Variants in ATR observed in about 807,000 individuals in gnomAD.
ATR encodes the protein ATR checkpoint kinase, also known as serine/threonine-protein kinase ATR.
A neutral mutation model predicts 305.3 loss-of-function variants in ATR; 142 were observed. The observed-to-expected ratio is 0.47, with a 90% CI of 0.41 to 0.53. ATR has a LOEUF of 0.53. Among genes scored for constraint, ATR ranks in the 20% least tolerant of loss-of-function variants. ATR has a pLI of 0.00. For missense variants in ATR, 2,135 were observed against 3,133.1 expected, an observed-to-expected ratio of 0.68 and a Z score of 7.60; for synonymous variants, 1,050 against 1,068.1, an observed-to-expected ratio of 0.98 and a Z score of 0.33.
intron 46 of ATR, chr3:142,452,181 G>C (rs2070807095): frequency 9.9e-7 from 1 of 1,007,966 alleles, no homozygotes; most frequent in Non-Finnish European, 1.2e-6. Context: ...TACAGGTCTA[G>C]CCTTCCTCGA....
In ATR at chr3:142,503,464, A is replaced by T. The variant is rs1387121260; in HGVS notation, c.5197-11T>A. 7.2e-6 allele frequency: 11 copies of T among 1,526,610 alleles called. No homozygotes were observed. Among genetic ancestry groups the T allele is most frequent in the Non-Finnish European group, 9.9e-6 (11 of 1,105,708 alleles). 94.6% of individuals were successfully genotyped at this position (1,526,610 alleles called of 1,614,324 possible). ...ATGATAATGAATGATCTAGAAATTTAAAAATATTTAAAATAGCAATTATCA... is the reference window on the plus strand; with the variant it reads ...ATGATAATGAATGATCTAGAAATTTTAAAATATTTAAAATAGCAATTATCA... On this transcript the variant is annotated splice_polypyrimidine_tract_variant and intron_variant, in intron 29 of 46. Transcript: ENST00000350721.
At chr3:142,458,921 G>T in intron 44 of ATR, 37 bp downstream of exon 44, 1 of 1,604,874 alleles carries the variant, frequency 6.2e-7, no homozygotes, top group Admixed American at 1.7e-5. Context: ...GAAATTGAGA[G>T]AAAACACAAT....
At chr3:142,531,351 C>T (rs913752213) in intron 21 of ATR, among the ~76,000 whole-genome samples, 35 of 151,946 alleles carry the variant, frequency 2.3e-4, no homozygotes, top group African/African-American at 8.0e-4. Context: ...GTGTGCTGCA[C>T]CCATTAACTC....
intron 13 of ATR, among the ~76,000 whole-genome samples, chr3:142,551,871 A>C (rs1435712193): frequency 6.6e-6 from 1 of 152,216 alleles, no homozygotes; most frequent in African/African-American, 2.4e-5. Context: ...AACTATCATC[A>C]CAGTGGACAG....
chr3:142,464,206 G>C lies in ATR; in HGVS notation c.7041+891C>G, dbSNP rs1271970418. On this transcript the variant is annotated intron_variant, in intron 41 of 46. Transcript: ENST00000350721. ...AGTGGCATGATCATAGCTCACTGTA[G>C]CCTCAAACTCCTGGGCTCAAACAAT... Among the ~76,000 whole-genome samples the C allele has an allele frequency of 2.0e-5, 3 of 152,194 alleles. No individual in the cohort carries two copies. In the East Asian group the frequency reaches 5.8e-4, roughly 29 times the overall value.
intron 22 of ATR, 98 bp downstream of exon 22, chr3:142,523,895 T>C: frequency 7.8e-7 from 1 of 1,280,754 alleles, no homozygotes; most frequent in Non-Finnish European, 1.1e-6. Flanking sequence ...TAGGTGAAGC[T>C]TTTATTAAGG....
chr3:142,565,405 A>C (rs1217960163), intron 3 of ATR, among the ~76,000 whole-genome samples: 1 of 152,192 alleles, frequency 6.6e-6, no homozygotes, highest in African/African-American at 2.4e-5. Context: ...TGAAGACACC[A>C]ATGAAGGGAC....
rs1408800533 is a variant in ATR at position 142,555,966 on chromosome 3, T to C, written c.2252A>G (p.His751Arg). 6.2e-7 allele frequency: 1 copy of C among 1,613,964 alleles called. No individual in the cohort carries two copies. Among genetic ancestry groups the C allele is most frequent in the East Asian group, 2.2e-5 (1 of 44,858 alleles). The change falls in exon 10 of 47, where the codon CAT becomes CGT. Residue 751 changes from histidine (H) to arginine (R), a missense_variant. Physicochemically the swap from His to Arg is conservative, Grantham distance 29. Transcript: ENST00000350721. ...TTTTAGTTGAGAAGATGAACATTCA[T>C]GTTGAGAAGTGGCTTTCAAGTTCCT... ...FCRNLKATSQ[H>R]ECSSSQLKAS...
At chr3:142,532,656 T>C (rs984060985) in intron 21 of ATR, among the ~76,000 whole-genome samples, 1 of 152,222 alleles carries the variant, frequency 6.6e-6, no homozygotes, top group Admixed American at 6.5e-5. Flanking sequence ...GATCATCTTA[T>C]TAACTTTCCT....
At position 142,513,770 on chromosome 3, in the gene ATR, T is replaced by A. The variant is rs561381495; in HGVS notation, c.4504-132A>T. 61 of 1,026,320 alleles carry A rather than the reference T, an allele frequency of 5.9e-5. No individual in the cohort carries two copies. The East Asian group carries it at 7.6e-4, about 13-fold the overall frequency. The allele number at this position is 1,026,320 out of a possible 1,614,324, so 63.6% of individuals were successfully genotyped here. A position where few individuals can be genotyped will look rare whatever the true frequency, so the allele number is the denominator to read the frequency against. ...TTAAAAAGTTTTTTAATTAATTTTT[T>A]AATTAAATTATTTGGGGTTAAAGTC... On this transcript the variant is annotated intron_variant, in intron 25 of 46. Coordinates refer to ENST00000350721, the MANE Select transcript of ATR (RefSeq NM_001184.4).
Position 142,449,393 on chromosome 3 carries a change from T to A in ATR, c.*36A>T, listed in dbSNP as rs749606435. ...CAGATTCATACCAAATGCATTACTT[T>A]TAGATTATTAACATATTCTTTTACA... On this transcript the variant is annotated 3_prime_UTR_variant, in exon 47 of 47. Coordinates refer to ENST00000350721, the MANE Select transcript of ATR (RefSeq NM_001184.4). 39 of 1,557,584 alleles carry A rather than the reference T, an allele frequency of 2.5e-5. No homozygotes were observed. The highest frequency in any genetic ancestry group is 3.1e-5 in the Non-Finnish European group (35 of 1,129,160).
chr3:142,528,877 A>T (rs183139906), intron 21 of ATR, among the ~76,000 whole-genome samples: 2,253 of 47,450 alleles, frequency 0.047, 54 homozygotes, highest in African/African-American at 0.064. Flanking sequence ...ATATATATAT[A>T]TATTTTTTTT....
intron 16 of ATR, among the ~76,000 whole-genome samples, chr3:142,545,217 AAGT>A (rs138432686): frequency 0.018 from 2,725 of 152,350 alleles, 28 homozygotes; most frequent in South Asian, 0.041. Flanking sequence ...GACACTAAAT[AAGT>A]AGTAAGTATG....
chr3:142,508,770 A>C (rs2032387663), intron 27 of ATR, among the ~76,000 whole-genome samples: 1 of 151,976 alleles, frequency 6.6e-6, no homozygotes, highest in African/African-American at 2.4e-5. Flanking sequence ...AAAAATACAA[A>C]AAAATTAGCC....
At chr3:142,543,000 G>C (rs934532221) in intron 16 of ATR, among the ~76,000 whole-genome samples, 1 of 152,146 alleles carries the variant, frequency 6.6e-6, no homozygotes, top group African/African-American at 2.4e-5. Context: ...AAACAGTACA[G>C]TACAATGAGA....
chr3:142,508,879 A>G (rs905153822), intron 27 of ATR, among the ~76,000 whole-genome samples: 2 of 148,258 alleles, frequency 1.3e-5, no homozygotes, highest in Admixed American at 1.4e-4. Flanking sequence ...AGCTGAGATC[A>G]CGCCACTGCA....
intron 27 of ATR, among the ~76,000 whole-genome samples, chr3:142,511,764 A>C (rs935882501): frequency 2.6e-5 from 4 of 152,222 alleles, no homozygotes; most frequent in African/African-American, 9.6e-5. Context: ...AGGTCTTATT[A>C]CTATAAATTC....
Position 142,505,126 on chromosome 3 carries a change from A to C in ATR, c.5196+13T>G, listed in dbSNP as rs780728422. ...CTATTTTCATTACAGTTGCCTTTCAATTATTATCTTACCTGGTCTGGTTCT... is the reference window on the plus strand; with the variant it reads ...CTATTTTCATTACAGTTGCCTTTCACTTATTATCTTACCTGGTCTGGTTCT... On this transcript the variant is annotated intron_variant, in intron 29 of 46. Coordinates refer to ENST00000350721, the MANE Select transcript of ATR (RefSeq NM_001184.4). The C allele has an allele frequency of 4.3e-6, 7 of 1,613,992 alleles. No individual in the cohort carries two copies. Among genetic ancestry groups the C allele is most frequent in the Admixed American group, 1.7e-5 (1 of 60,012 alleles).
rs540487912 is a variant in ATR at position 142,479,803 on chromosome 3, T to C, written c.6221+5337A>G. Reference sequence around the variant, plus strand: ...GTTCGTTTCTTTTTATTCTTTTTTCTCTAAACTTCTCTTCTCGCTTCATTT... The same window carrying C: ...GTTCGTTTCTTTTTATTCTTTTTTCCCTAAACTTCTCTTCTCGCTTCATTT... On this transcript the variant is annotated intron_variant, in intron 36 of 46. Transcript: ENST00000350721. Among the ~76,000 whole-genome samples the C allele has an allele frequency of 5.3e-5, 8 of 152,346 alleles. No individual in the cohort carries two copies. In the South Asian group the frequency reaches 1.4e-3, roughly 28 times the overall value.
Sources: allele counts gnomAD v4.1 joint callset (sites outside exome capture counted in the v4.1 genomes callset), GRCh38; gene constraint gnomAD v4.1.1; transcripts MANE v1.5; gene names NCBI Gene and HGNC (gene_info 2026-07-23, HGNC 2026-07-21).